Variants in MAOB observed in about 807,000 individuals in gnomAD.
The protein encoded by MAOB is monoamine oxidase B.
Under a neutral mutation model 41.9 loss-of-function variants are expected in MAOB, and 15 were observed. That is an observed-to-expected ratio of 0.36 (90% CI 0.24 to 0.55). MAOB has a LOEUF of 0.55. Ranked by LOEUF, MAOB falls within the 20% of genes least tolerant of loss-of-function variation. The pLI is 0.86. For synonymous variants in MAOB, 167 were observed against 144.2 expected, an observed-to-expected ratio of 1.16 and a Z score of -1.13; for missense variants, 345 against 398.7, an observed-to-expected ratio of 0.87 and a Z score of 1.15.
In MAOB at chrX:43,769,339, C is replaced by T; in HGVS notation, c.1315G>A (p.Ala439Thr). ...GCTGCTCTCTCCCCGGCCTCTACAG[C>T]CCCCTCCATGTAGCCGCTCCAGTGT... The part of the protein sequence containing the change: ...ATHWSGYMEG[A>T]VEAGERAARE... Residue 439 changes from alanine to threonine, a missense_variant, in exon 13 of 15, where the codon GCT becomes ACT. Coordinates refer to ENST00000378069, the MANE Select transcript of MAOB (RefSeq NM_000898.5). 8.3e-7 allele frequency: 1 copy of T among 1,209,698 alleles called. No individual in the cohort carries two copies. The highest frequency in any genetic ancestry group is 1.1e-6 in the Non-Finnish European group (1 of 894,869).
At chrX:43,846,798 T>G (rs190839672) in intron 1 of MAOB, among the ~76,000 whole-genome samples, 2 of 111,874 alleles carry the variant, frequency 1.8e-5, no homozygotes, top group African/African-American at 6.5e-5. Context: ...TAAAGACAGT[T>G]ATTTCCCAAG....
intron 8 of MAOB, among the ~76,000 whole-genome samples, chrX:43,786,491 G>A (rs1220549091): frequency 8.9e-6 from 1 of 111,745 alleles, no homozygotes; most frequent in Non-Finnish European, 1.9e-5. Flanking sequence ...CTGGCTTGAG[G>A]GGTGTTTGAA....
Position 43,839,003 on chromosome X carries a change from G to A in MAOB, c.144C>T (p.Asn48=). 1.7e-6 allele frequency: 2 copies of A among 1,156,515 alleles called. No homozygotes were observed. The highest frequency in any genetic ancestry group is 2.3e-6 in the Non-Finnish European group (2 of 867,045). ...RVGGRTYTLR[N]QKVKYVDLGG... ...CAAGGTCCACATATTTAACCTTTTGGTTCTGTTTTCCCATAGGAAAAAATT... is the reference window on the plus strand; with the variant it reads ...CAAGGTCCACATATTTAACCTTTTGATTCTGTTTTCCCATAGGAAAAAATT... The change falls in exon 3 of 15, where the codon AAC becomes AAT. Residue 48 remains asparagine (N), a splice_region_variant and synonymous_variant. Coordinates refer to ENST00000378069, the MANE Select transcript of MAOB (RefSeq NM_000898.5).
chrX:43,850,329 C>A, intron 1 of MAOB: 2 of 740,240 alleles, frequency 2.7e-6, no homozygotes, highest in Non-Finnish European at 3.2e-6. Flanking sequence ...TGATAAAAAT[C>A]ACCTGGAGTC....
intron 3 of MAOB, among the ~76,000 whole-genome samples, chrX:43,837,248 G>A (rs143157604): frequency 8.0e-5 from 9 of 112,658 alleles, no homozygotes; most frequent in African/African-American, 2.9e-4. Flanking sequence ...GTTAAGAACT[G>A]TTGATTGATG....
chrX:43,819,249 C>T (rs1000306754), intron 3 of MAOB, among the ~76,000 whole-genome samples: 1 of 111,747 alleles, frequency 8.9e-6, no homozygotes, highest in African/African-American at 3.3e-5. Flanking sequence ...GTGCTATTGG[C>T]AGGCAGCCCT....
intron 3 of MAOB, among the ~76,000 whole-genome samples, chrX:43,830,994 A>AGTGTGTGTGTGT (rs56322068): frequency 1.0e-5 from 1 of 95,782 alleles, no homozygotes; most frequent in African/African-American, 3.7e-5. Flanking sequence ...TCAATGATTA[A>AGTGTGTGTGTGT]GTGTGTGTGT....
At chrX:43,828,363 C>T (rs1243839968) in intron 3 of MAOB, among the ~76,000 whole-genome samples, 1 of 111,229 alleles carries the variant, frequency 9.0e-6, no homozygotes, top group Non-Finnish European at 1.9e-5. Context: ...AAATGAGCAG[C>T]TTTAATACTT....
In MAOB at chrX:43,767,599, A is replaced by G. The variant is rs1358368216; in HGVS notation, c.1430T>C (p.Ile477Thr). 1 of 1,208,538 alleles carries G rather than the reference A, an allele frequency of 8.3e-7. No individual in the cohort carries two copies. The highest frequency in any genetic ancestry group is 1.1e-6 in the Non-Finnish European group (1 of 894,451). ...PESVDVPAQP[I>T]TTTFLERHLP... Reference sequence around the variant, plus strand: ...ATGTCTCTCCAAAAAGGTGGTGGTGATGGGCTGTGCAGGGACATCCTAGGT... The same window carrying G: ...ATGTCTCTCCAAAAAGGTGGTGGTGGTGGGCTGTGCAGGGACATCCTAGGT... The change falls in exon 15 of 15, where the codon ATC becomes ACC. Residue 477 changes from isoleucine to threonine, a missense_variant. Ile to Thr is a moderately conservative substitution (Grantham distance 89). Coordinates refer to ENST00000378069, the MANE Select transcript of MAOB (RefSeq NM_000898.5).
At chrX:43,863,143 A>C (rs2035343482) in intron 1 of MAOB, among the ~76,000 whole-genome samples, 1 of 112,027 alleles carries the variant, frequency 8.9e-6, no homozygotes, top group Non-Finnish European at 1.9e-5. Context: ...TCCATATTTT[A>C]AAATCAGGAA....
chrX:43,865,423 G>C (rs1302272094), intron 1 of MAOB, among the ~76,000 whole-genome samples: 5 of 111,756 alleles, frequency 4.5e-5, no homozygotes, highest in Non-Finnish European at 9.4e-5. Context: ...GGGGAATGAG[G>C]AATGACTGCT....
At chrX:43,839,742 C>T (rs1179673480) in intron 2 of MAOB, among the ~76,000 whole-genome samples, 1 of 111,881 alleles carries the variant, frequency 8.9e-6, no homozygotes, top group East Asian at 2.8e-4. Context: ...ATTCCAAACT[C>T]CTATAGCAGT....
At chrX:43,809,443 C>G (rs1476239720) in intron 3 of MAOB, among the ~76,000 whole-genome samples, 1 of 112,326 alleles carries the variant, frequency 8.9e-6, no homozygotes, top group African/African-American at 3.2e-5. Flanking sequence ...CTTTAACCTC[C>G]TTGGTGTCTT....
At chrX:43,864,587 T>A (rs1391495372) in intron 1 of MAOB, among the ~76,000 whole-genome samples, 5 of 111,721 alleles carry the variant, frequency 4.5e-5, no homozygotes, top group Non-Finnish European at 7.5e-5. Flanking sequence ...CAATATGATA[T>A]CTTATTTGGG....
chrX:43,800,404 T>C (rs991535721), intron 5 of MAOB, among the ~76,000 whole-genome samples: 1 of 111,739 alleles, frequency 8.9e-6, no homozygotes, highest in Non-Finnish European at 1.9e-5. Context: ...AACTAAATAC[T>C]ACAATTTTAT....
intron 8 of MAOB, among the ~76,000 whole-genome samples, chrX:43,783,105 C>T (rs2034355949): frequency 8.9e-6 from 1 of 112,183 alleles, no homozygotes; most frequent in African/African-American, 3.2e-5. Flanking sequence ...CCTCTCTCAC[C>T]ACTCCTATTC....
chrX:43,875,721 A>G (rs2035435412), intron 1 of MAOB, among the ~76,000 whole-genome samples: 2 of 111,401 alleles, frequency 1.8e-5, no homozygotes, highest in Admixed American at 9.5e-5. Flanking sequence ...GGTGCCCTCA[A>G]TTGAGTACTG....
Position 43,794,353 on chromosome X carries a change from T to C in MAOB, c.769-775A>G, listed in dbSNP as rs367731074. Among the ~76,000 whole-genome samples, 8 of 111,023 alleles carry C rather than the reference T, an allele frequency of 7.2e-5. No homozygotes were observed. The East Asian group carries it at 1.4e-3, about 20-fold the overall frequency. ...TGAGGCCTTCCCTGATCACCTTATTTAAACTTGCATAACCAATTCTCCCAT... is the reference window on the plus strand; with the variant it reads ...TGAGGCCTTCCCTGATCACCTTATTCAAACTTGCATAACCAATTCTCCCAT... On this transcript the variant is annotated intron_variant, in intron 7 of 14. Transcript: ENST00000378069.
In MAOB at chrX:43,810,242, C is replaced by CA. The variant is rs143045804; in HGVS notation, c.280-6839dup. Among the ~76,000 whole-genome samples the CA allele has an allele frequency of 1.8e-3, 67 of 37,669 alleles. 1 individual carries two copies. In the South Asian group the frequency reaches 0.024, roughly 14 times the overall value. The allele number at this position is 37,669 out of a possible 115,157, so 32.7% of individuals were successfully genotyped here. Reference sequence around the variant, plus strand: ...TGGGCGACAGAGCGAGACTCTGTCTCAAAAAAAAAAAAAAAAAAAAAAAAA... The same window carrying CA: ...TGGGCGACAGAGCGAGACTCTGTCTCAAAAAAAAAAAAAAAAAAAAAAAAAA... On this transcript the variant is annotated intron_variant, in intron 3 of 14. Transcript: ENST00000378069.
Sources: allele counts gnomAD v4.1 joint callset (sites outside exome capture counted in the v4.1 genomes callset), GRCh38; gene constraint gnomAD v4.1.1; transcripts MANE v1.5; gene names NCBI Gene and HGNC (gene_info 2026-07-23, HGNC 2026-07-21).